The following CAST variants were observed in gnomAD, a reference collection of about 807,000 sequenced individuals.
The protein encoded by CAST is MIR583 host.
CAST carries 76 observed loss-of-function variants against 119.6 expected under a neutral mutation model. That is an observed-to-expected ratio of 0.64 (90% CI 0.53 to 0.77). The LOEUF (loss-of-function observed/expected upper bound fraction) is 0.77, where lower values mean the gene tolerates loss of function less well. Among genes scored for constraint, CAST ranks in the 30% least tolerant of loss-of-function variants. CAST has a pLI of 0.00. For synonymous variants in CAST, 319 were observed against 331.6 expected (o/e 0.96, Z 0.41); for missense variants, 953 against 946.5 (o/e 1.01, Z -0.09).
At chr5:96,579,405 G>A (rs1746732067) in intron 1 of CAST, among the ~76,000 whole-genome samples, 1 of 152,190 alleles carries the variant, frequency 6.6e-6, no homozygotes, top group Non-Finnish European at 1.5e-5. Context: ...CAGAAAAGGG[G>A]AGTGCTTCCC....
chr5:96,611,943 CAG>C (rs978523339), intron 1 of CAST, among the ~76,000 whole-genome samples: 11 of 152,192 alleles, frequency 7.2e-5, no homozygotes, highest in African/African-American at 2.6e-4. Context: ...CAAAAAATAA[CAG>C]ATGTTGGTGA....
At chr5:96,469,572 C>G in the CAST span, among the ~76,000 whole-genome samples, 1 of 151,774 alleles carries the variant, frequency 6.6e-6, no homozygotes. Flanking sequence ...TCTGAGGGGT[C>G]AATTACAAAC....
At chr5:96,283,350 C>CA in the CAST span, among the ~76,000 whole-genome samples, 1 of 152,098 alleles carries the variant, frequency 6.6e-6, no homozygotes, top group Non-Finnish European at 1.5e-5. Flanking sequence ...TAAGGGGCTT[C>CA]AAAAGGCTCA....
chr5:96,680,104 A>C (rs1751174567), intron 2 of CAST, among the ~76,000 whole-genome samples: 1 of 151,426 alleles, frequency 6.6e-6, no homozygotes, highest in Admixed American at 6.6e-5. Context: ...TAATTCCAGC[A>C]CTTTGGGAGG....
chr5:96,412,750 A>ATTTTTTTT, the CAST span, among the ~76,000 whole-genome samples: 25 of 63,404 alleles, frequency 3.9e-4, 2 homozygotes, highest in African/African-American at 1.8e-3. Context: ...GGCAGCTGTG[A>ATTTTTTTT]TGTTTTTTTT....
At chr5:96,449,310 AGCT>A in the CAST span, among the ~76,000 whole-genome samples, 1 of 152,200 alleles carries the variant, frequency 6.6e-6, no homozygotes, top group Non-Finnish European at 1.5e-5. Context: ...GAACCAGGTG[AGCT>A]GCCAGTAAGG....
At chr5:96,689,028 G>A (rs199636739) in intron 2 of CAST, among the ~76,000 whole-genome samples, 1 of 62,298 alleles carries the variant, frequency 1.6e-5, no homozygotes, top group Non-Finnish European at 2.7e-5. Context: ...GCACACACAC[G>A]TGTTTGAGTA....
At chr5:96,216,398 A>G in the CAST span, among the ~76,000 whole-genome samples, 1 of 152,180 alleles carries the variant, frequency 6.6e-6, no homozygotes, top group Admixed American at 6.5e-5. Context: ...AAATGTGGAT[A>G]TTCTTCTTTA....
chr5:96,027,215 A>G, the CAST span, among the ~76,000 whole-genome samples: 2 of 152,106 alleles, frequency 1.3e-5, no homozygotes, highest in African/African-American at 4.8e-5. Context: ...ACAATTACCT[A>G]TGTCTTGATA....
the CAST span, among the ~76,000 whole-genome samples, chr5:96,017,713 AC>A: frequency 1.3e-5 from 2 of 151,878 alleles, no homozygotes; most frequent in African/African-American, 4.8e-5. Flanking sequence ...AAATATTAGG[AC>A]CCCTCTTAGC....
chr5:96,306,831 G>T, the CAST span, among the ~76,000 whole-genome samples: 1 of 151,916 alleles, frequency 6.6e-6, no homozygotes, highest in Non-Finnish European at 1.5e-5. Flanking sequence ...TTATGATTTT[G>T]TATTCTTTTG....
chr5:96,238,691 C>T, the CAST span, among the ~76,000 whole-genome samples: 26 of 151,888 alleles, frequency 1.7e-4, no homozygotes, highest in African/African-American at 5.1e-4. Context: ...TGAGCCACCG[C>T]GCCCAGCCTA....
the CAST span, among the ~76,000 whole-genome samples, chr5:96,116,378 A>G: frequency 6.1e-3 from 929 of 152,260 alleles, 14 homozygotes; most frequent in African/African-American, 0.022. Context: ...TATTTCCAGT[A>G]TTTGGCAATT....
the CAST span, among the ~76,000 whole-genome samples, chr5:96,151,258 A>G: frequency 6.6e-6 from 1 of 152,310 alleles, no homozygotes; most frequent in South Asian, 2.1e-4. Flanking sequence ...GAGAGGATCA[A>G]TTGCTTTCTG....
At chr5:96,472,200 C>T in the CAST span, among the ~76,000 whole-genome samples, 1 of 152,136 alleles carries the variant, frequency 6.6e-6, no homozygotes, top group South Asian at 2.1e-4. Context: ...AAATTGTTTA[C>T]ATGAGCTCCA....
chr5:96,663,116 C>T (rs1224294941), intron 1 of CAST: 1 of 702,426 alleles, frequency 1.4e-6, no homozygotes, highest in Non-Finnish European at 2.6e-6. Context: ...CCGTGCGGAT[C>T]GGAGCCAGCC....
chr5:96,767,105 A>C (rs1483882123), intron 27 of CAST, among the ~76,000 whole-genome samples: 2 of 152,256 alleles, frequency 1.3e-5, no homozygotes, highest in African/African-American at 2.4e-5. Flanking sequence ...TATAGTAAAT[A>C]AGATGTAAAA....
the CAST span, among the ~76,000 whole-genome samples, chr5:96,120,444 T>C: frequency 2.0e-5 from 3 of 152,038 alleles, no homozygotes; most frequent in Non-Finnish European, 4.4e-5. Flanking sequence ...TGGTTTTCTA[T>C]ATTCCCTGTC....
At chr5:96,489,750 T>C in the CAST span, among the ~76,000 whole-genome samples, 1 of 152,082 alleles carries the variant, frequency 6.6e-6, no homozygotes, top group African/African-American at 2.4e-5. Context: ...ACTTAGACAA[T>C]AGGCTCCAAC....
Sources: allele counts gnomAD v4.1 joint callset (sites outside exome capture counted in the v4.1 genomes callset), GRCh38; gene constraint gnomAD v4.1.1; transcripts MANE v1.5; gene names NCBI Gene and HGNC (gene_info 2026-07-23, HGNC 2026-07-21).